The following RANBP2 variants were observed in gnomAD, a reference collection of about 807,000 sequenced individuals.
RANBP2 encodes E3 SUMO-protein ligase RanBP2.
RANBP2 carries 57 observed loss-of-function variants against 303.6 expected under a neutral mutation model. The observed-to-expected ratio is 0.19, with a 90% CI of 0.15 to 0.23. The LOEUF is 0.23. Ranked by LOEUF, RANBP2 falls within the 10% of genes least tolerant of loss-of-function variation. The pLI is 1.00. For missense variants in RANBP2, 3,138 were observed against 3,780.8 expected (o/e 0.83, Z 4.46); for synonymous variants, 1,167 against 1,301.5 (o/e 0.90, Z 2.23).
chr2:108,841,731 A>G, the RANBP2 span, among the ~76,000 whole-genome samples: 17 of 152,164 alleles, frequency 1.1e-4, no homozygotes, highest in Middle Eastern at 3.4e-3. Flanking sequence ...ATTTACATGT[A>G]ATGTACTTAT....
the RANBP2 span, among the ~76,000 whole-genome samples, chr2:109,523,963 T>C: frequency 1.3e-5 from 2 of 152,272 alleles, no homozygotes; most frequent in Admixed American, 1.3e-4. Flanking sequence ...CCCTGCCCCA[T>C]GTAGCTGTCT....
chr2:109,433,999 C>T, the RANBP2 span, among the ~76,000 whole-genome samples: 6 of 152,300 alleles, frequency 3.9e-5, no homozygotes, highest in African/African-American at 7.2e-5. Context: ...TGCGCAGCCC[C>T]GAAGAAGGTC....
the RANBP2 span, among the ~76,000 whole-genome samples, chr2:109,596,642 T>C: frequency 6.6e-6 from 1 of 151,628 alleles, no homozygotes. Context: ...AAGAAAAAAA[T>C]TAGAGGCTTT....
chr2:109,615,464 C>T, the RANBP2 span: 15 of 1,613,258 alleles, frequency 9.3e-6, no homozygotes, highest in East Asian at 2.5e-4. Flanking sequence ...TCAACTTCGC[C>T]AACAAACACC....
chr2:109,262,449 T>C, the RANBP2 span, among the ~76,000 whole-genome samples: 4 of 152,164 alleles, frequency 2.6e-5, no homozygotes, highest in Non-Finnish European at 5.9e-5. Context: ...GCCTGTGGGG[T>C]ACCCAAGAGC....
At chr2:109,425,080 G>A in the RANBP2 span, among the ~76,000 whole-genome samples, 1 of 152,220 alleles carries the variant, frequency 6.6e-6, no homozygotes, top group Non-Finnish European at 1.5e-5. Flanking sequence ...CTGATACGGA[G>A]AATGTTTGAG....
the RANBP2 span, among the ~76,000 whole-genome samples, chr2:109,062,722 C>T: frequency 6.6e-6 from 1 of 151,852 alleles, no homozygotes; most frequent in Non-Finnish European, 1.5e-5. Context: ...TCTCGTGAGA[C>T]AGAGCACAGT....
chr2:109,044,256 C>T, the RANBP2 span, among the ~76,000 whole-genome samples: 1 of 152,078 alleles, frequency 6.6e-6, no homozygotes, highest in Non-Finnish European at 1.5e-5. Context: ...CGCGGTGGCT[C>T]ACTCCTGTAA....
the RANBP2 span, among the ~76,000 whole-genome samples, chr2:108,934,247 G>A: frequency 2.0e-5 from 3 of 152,214 alleles, no homozygotes; most frequent in East Asian, 3.9e-4. Flanking sequence ...GGGGTCTGGG[G>A]GAGGGGAGCA....
chr2:109,659,893 C>T, the RANBP2 span, among the ~76,000 whole-genome samples: 4 of 152,182 alleles, frequency 2.6e-5, no homozygotes, highest in Non-Finnish European at 4.4e-5. Flanking sequence ...AGCTATGGCT[C>T]AGTCTCAGGC....
intron 24 of RANBP2, among the ~76,000 whole-genome samples, chr2:108,776,685 G>A (rs1256240703): frequency 1.3e-5 from 2 of 152,120 alleles, no homozygotes; most frequent in African/African-American, 2.4e-5. Flanking sequence ...AGAGAAGACC[G>A]CAAAAGTCCT....
intron 5 of RANBP2, 52 bp downstream of exon 5, chr2:108,735,814 A>C (rs547735854): frequency 4.4e-5 from 70 of 1,597,580 alleles, no homozygotes; most frequent in Non-Finnish European, 5.3e-5. Context: ...ATTAGCATAC[A>C]TCTTTTTGTA....
At chr2:108,849,879 G>T in the RANBP2 span, among the ~76,000 whole-genome samples, 1 of 152,186 alleles carries the variant, frequency 6.6e-6, no homozygotes, top group South Asian at 2.1e-4. Context: ...TGAGTCTCAG[G>T]GAGAAGAGCA....
At chr2:109,646,462 T>C in the RANBP2 span, among the ~76,000 whole-genome samples, 1 of 152,162 alleles carries the variant, frequency 6.6e-6, no homozygotes, top group African/African-American at 2.4e-5. Flanking sequence ...CTCTCCCCTG[T>C]ACTCATGTTT....
the RANBP2 span, among the ~76,000 whole-genome samples, chr2:109,418,420 T>C: frequency 6.6e-6 from 1 of 152,094 alleles, no homozygotes; most frequent in South Asian, 2.1e-4. Context: ...ACAGGTTTGG[T>C]TCCTCCTGAG....
At chr2:108,901,764 T>A in the RANBP2 span, among the ~76,000 whole-genome samples, 2 of 152,186 alleles carry the variant, frequency 1.3e-5, no homozygotes, top group African/African-American at 4.8e-5. Flanking sequence ...ATAAAATAGA[T>A]CATTTGAACA....
the RANBP2 span, among the ~76,000 whole-genome samples, chr2:109,595,278 G>A: frequency 6.6e-6 from 1 of 152,232 alleles, no homozygotes; most frequent in Admixed American, 6.5e-5. Context: ...AAAGCTCAGT[G>A]AGGGACACAA....
intron 14 of RANBP2, 66 bp downstream of exon 14, chr2:108,753,629 G>A (rs867657218): frequency 3.8e-5 from 61 of 1,592,770 alleles, no homozygotes; most frequent in South Asian, 6.9e-5. Flanking sequence ...TAAAAGACGG[G>A]GTTTCTCTGT....
At chr2:109,399,143 G>A in the RANBP2 span, among the ~76,000 whole-genome samples, 2 of 152,054 alleles carry the variant, frequency 1.3e-5, no homozygotes, top group Admixed American at 6.5e-5. Flanking sequence ...TGCCCTCCCT[G>A]GTTCAGAAGA....
Sources: allele counts gnomAD v4.1 joint callset (sites outside exome capture counted in the v4.1 genomes callset), GRCh38; gene constraint gnomAD v4.1.1; transcripts MANE v1.5; gene names NCBI Gene and HGNC (gene_info 2026-07-23, HGNC 2026-07-21).